Variants in GLRB observed in about 807,000 individuals in gnomAD.
GLRB encodes glycine receptor beta.
GLRB carries 33 observed loss-of-function variants against 54.2 expected under a neutral mutation model. The ratio of observed to expected loss-of-function variants is 0.61; its 90% confidence interval spans 0.46 to 0.81. GLRB has a LOEUF of 0.81. Ranked by LOEUF, GLRB falls within the 40% of genes least tolerant of loss-of-function variation. GLRB has a pLI of 0.00. For synonymous variants in GLRB, 209 were observed against 208.2 expected, an observed-to-expected ratio of 1.00 and a Z score of -0.03; for missense variants, 572 against 584.6, an observed-to-expected ratio of 0.98 and a Z score of 0.22.
chr4:157,113,943 G>T (rs1735511911), intron 2 of GLRB, among the ~76,000 whole-genome samples: 2 of 151,892 alleles, frequency 1.3e-5, no homozygotes, highest in Admixed American at 1.3e-4. Flanking sequence ...AAGCTGTCAA[G>T]AGAAGTGATA....
At chr4:157,131,394 C>T (rs1413248818) in intron 4 of GLRB, among the ~76,000 whole-genome samples, 1 of 151,618 alleles carries the variant, frequency 6.6e-6, no homozygotes, top group Non-Finnish European at 1.5e-5. Flanking sequence ...ATAAACACAC[C>T]AAATTGATAC....
intron 2 of GLRB, among the ~76,000 whole-genome samples, chr4:157,105,022 T>A (rs11942402): frequency 0.024 from 3,647 of 151,822 alleles, 56 homozygotes; most frequent in African/African-American, 0.046. Flanking sequence ...AAAAATTTTT[T>A]AAATTACTAT....
chr4:157,078,825 G>T (rs1734130353), intron 2 of GLRB, among the ~76,000 whole-genome samples: 1 of 152,074 alleles, frequency 6.6e-6, no homozygotes, highest in South Asian at 2.1e-4. Context: ...AGGCTGGAGT[G>T]CAGTGGCACA....
At chr4:157,161,652 A>G (rs932725991) in intron 9 of GLRB, among the ~76,000 whole-genome samples, 1 of 152,186 alleles carries the variant, frequency 6.6e-6, no homozygotes, top group African/African-American at 2.4e-5. Context: ...AATGTTGACT[A>G]TTGGCCCCCA....
At chr4:157,162,828 C>T (rs2126625338) in intron 9 of GLRB, among the ~76,000 whole-genome samples, 1 of 152,294 alleles carries the variant, frequency 6.6e-6, no homozygotes, top group South Asian at 2.1e-4. Context: ...AGATCTCAAA[C>T]TCTGTGCTGG....
At chr4:157,122,640 C>G (rs1254157697) in intron 4 of GLRB, among the ~76,000 whole-genome samples, 1 of 151,680 alleles carries the variant, frequency 6.6e-6, no homozygotes, top group African/African-American at 2.4e-5. Flanking sequence ...TGTATTCCCC[C>G]TGAAAAACTG....
intron 4 of GLRB, among the ~76,000 whole-genome samples, chr4:157,125,624 A>G (rs1486329497): frequency 6.6e-6 from 1 of 151,680 alleles, no homozygotes; most frequent in South Asian, 2.1e-4. Flanking sequence ...TCTCCCCTAC[A>G]AGGATGTACA....
Position 157,171,980 on chromosome 4 carries a change from CATAG to C in GLRB, c.*1256_*1259del, listed in dbSNP as rs1336472712. Reference sequence around the variant, plus strand: ...CTGAAATAAAACTATCAGTAATTCACATAGATAAACATAAGACTAAAGAAGTATA... The same window carrying C: ...CTGAAATAAAACTATCAGTAATTCACATAAACATAAGACTAAAGAAGTATA... On this transcript the variant is annotated 3_prime_UTR_variant, in exon 10 of 10. Transcript: ENST00000264428. 6.6e-6 allele frequency: 1 copy of C among 151,802 alleles called. No individual in the cohort carries two copies. Among genetic ancestry groups the C allele is most frequent in the Non-Finnish European group, 1.5e-5 (1 of 67,770 alleles). The allele number at this position is 151,802 out of a possible 1,614,324, so 9.4% of individuals were successfully genotyped here.
intron 4 of GLRB, among the ~76,000 whole-genome samples, chr4:157,133,840 A>G (rs910600417): frequency 6.6e-5 from 10 of 152,024 alleles, no homozygotes; most frequent in African/African-American, 1.7e-4. Context: ...AGAAACATTC[A>G]TAAGATTTCA....
chr4:157,118,050 T>G (rs1735668734), intron 2 of GLRB, among the ~76,000 whole-genome samples: 1 of 151,634 alleles, frequency 6.6e-6, no homozygotes, highest in African/African-American at 2.4e-5. Context: ...GAGAGACTGA[T>G]TCTGTGGAAG....
At chr4:157,143,336 G>T (rs1736684982) in intron 7 of GLRB, among the ~76,000 whole-genome samples, 2 of 151,534 alleles carry the variant, frequency 1.3e-5, no homozygotes, top group Non-Finnish European at 2.9e-5. Flanking sequence ...AGTGTATACT[G>T]CCATCCATCC....
At chr4:157,129,163 A>G (rs1736123163) in intron 4 of GLRB, among the ~76,000 whole-genome samples, 1 of 151,796 alleles carries the variant, frequency 6.6e-6, no homozygotes, top group Admixed American at 6.6e-5. Flanking sequence ...CCATTTTTTC[A>G]GATAATGATT....
intron 4 of GLRB, among the ~76,000 whole-genome samples, chr4:157,134,972 T>G (rs575513810): frequency 6.6e-6 from 1 of 152,216 alleles, no homozygotes; most frequent in African/African-American, 2.4e-5. Context: ...AGGAGAGCAT[T>G]TTGATAGTGT....
intron 2 of GLRB, among the ~76,000 whole-genome samples, chr4:157,093,326 T>C (rs555941391): frequency 6.6e-6 from 1 of 152,320 alleles, no homozygotes; most frequent in African/African-American, 2.4e-5. Flanking sequence ...TAAGAAACCA[T>C]TCCTAAGCTA....
intron 2 of GLRB, among the ~76,000 whole-genome samples, chr4:157,090,504 A>C (rs1356290745): frequency 1.3e-5 from 2 of 152,170 alleles, no homozygotes. Flanking sequence ...AAAATTGAAA[A>C]AGGGAAGAGT....
chr4:157,170,513 C>T lies in GLRB; in HGVS notation c.1279C>T (p.Pro427Ser). The change falls in exon 10 of 10, where the codon CCA (proline) becomes TCA (serine). Residue 427 changes from proline to serine, a missense_variant. Transcript: ENST00000264428. ...TGACTTCAGCATTGTTGGAAGCTTA[C>T]CAAGAGATTTTGAACTATCCAATTA... Reference protein sequence around the residue: ...SNDFSIVGSLPRDFELSNYDC... With the variant: ...SNDFSIVGSLSRDFELSNYDC... 1 of 1,610,596 alleles carries T rather than the reference C, an allele frequency of 6.2e-7. No homozygotes were observed. Among genetic ancestry groups the T allele is most frequent in the Non-Finnish European group, 8.5e-7 (1 of 1,177,044 alleles).
At chr4:157,164,921 T>C (rs907314654) in intron 9 of GLRB, among the ~76,000 whole-genome samples, 1 of 152,110 alleles carries the variant, frequency 6.6e-6, no homozygotes, top group Non-Finnish European at 1.5e-5. Flanking sequence ...GTTAAACACA[T>C]ATAAGAACTT....
chr4:157,152,364 A>G (rs866569099), intron 8 of GLRB, among the ~76,000 whole-genome samples: 1 of 152,304 alleles, frequency 6.6e-6, no homozygotes. Context: ...GAAAAATAAC[A>G]TACATAATCT....
At chr4:157,089,367 T>C (rs1734526254) in intron 2 of GLRB, among the ~76,000 whole-genome samples, 1 of 152,158 alleles carries the variant, frequency 6.6e-6, no homozygotes, top group Admixed American at 6.5e-5. Flanking sequence ...ATCATGCTAC[T>C]GCACTCCAGC....
Sources: allele counts gnomAD v4.1 joint callset (sites outside exome capture counted in the v4.1 genomes callset), GRCh38; gene constraint gnomAD v4.1.1; transcripts MANE v1.5; gene names NCBI Gene and HGNC (gene_info 2026-07-23, HGNC 2026-07-21).